Variants in ZNF550 observed in about 807,000 individuals in gnomAD.
ZNF550 encodes zinc finger protein 550.
ZNF550 carries 42 observed loss-of-function variants against 40.2 expected under a neutral mutation model. That is an observed-to-expected ratio of 1.05 (90% confidence interval 0.82 to 1.35). ZNF550 has a LOEUF of 1.35. ZNF550 is among the 40% of genes most tolerant of loss of function. The probability of loss-of-function intolerance (pLI) is 0.00; values close to 1 mark genes in which losing one functional copy is unlikely to be tolerated. For synonymous variants in ZNF550, 223 were observed against 198.6 expected (o/e 1.12, Z -1.03); for missense variants, 549 against 525.2 (o/e 1.05, Z -0.44).
At chr19:57,543,694 G>A (rs957941111) in intron 4 of ZNF550, 11 of 907,360 alleles carry the variant, frequency 1.2e-5, no homozygotes, top group Non-Finnish European at 1.4e-5. Flanking sequence ...GCAGCACTTT[G>A]GGAGGCAGAG....
At chr19:57,549,122 T>C (rs1005438084) in intron 3 of ZNF550, among the ~76,000 whole-genome samples, 3 of 152,180 alleles carry the variant, frequency 2.0e-5, no homozygotes, top group Non-Finnish European at 4.4e-5. Flanking sequence ...CGGGTGGCTA[T>C]AGTCAAAAAT....
chr19:57,548,562 A>G (rs2090045319), intron 3 of ZNF550, among the ~76,000 whole-genome samples: 3 of 152,328 alleles, frequency 2.0e-5, no homozygotes, highest in Non-Finnish European at 4.4e-5. Flanking sequence ...CTTTTGTCCA[A>G]AAGACAGGCA....
intron 2 of ZNF550, 166 bp downstream of exon 2, chr19:57,556,065 A>C: frequency 1.2e-6 from 1 of 841,444 alleles, no homozygotes; most frequent in South Asian, 1.6e-5. Flanking sequence ...TGTTAAAAGG[A>C]CATTTTCTAC....
At chr19:57,544,487 A>G in intron 4 of ZNF550, 1 of 985,448 alleles carries the variant, frequency 1.0e-6, no homozygotes, top group Non-Finnish European at 1.2e-6. Context: ...AGCCACAGCT[A>G]CAATACATGC....
At chr19:57,544,139 C>T (rs1450764622) in intron 4 of ZNF550, 2 of 985,262 alleles carry the variant, frequency 2.0e-6, no homozygotes, top group Non-Finnish European at 2.4e-6. Flanking sequence ...AGGGCAGGAC[C>T]CATAGCCCAG....
chr19:57,547,742 G>A (rs762611085), exon 4 of ZNF550: 4 of 1,614,134 alleles, frequency 2.5e-6, no homozygotes, highest in Non-Finnish European at 3.4e-6. Flanking sequence ...CTGGAGTGCA[G>A]ACCATCATCT....
At chr19:57,546,031 A>G (rs1243660351) in intron 4 of ZNF550, among the ~76,000 whole-genome samples, 1 of 151,536 alleles carries the variant, frequency 6.6e-6, no homozygotes, top group African/African-American at 2.4e-5. Context: ...TAATGAGTTT[A>G]TTAATAAAAA....
At position 57,559,022 on chromosome 19, in the gene ZNF550, G is replaced by A. The variant is rs540920694; in HGVS notation, c.27+634C>T. The stretch of plus-strand genomic sequence containing the variant: ...CTGCCCTACCACCTTTTCTGCCCTG[G>A]CATAGCAGCAACCGCAGAAACGCTC... On this transcript the variant is annotated intron_variant, in intron 1 of 4. Coordinates refer to ENST00000457177, the Ensembl canonical transcript of ZNF550. 1.1e-4 allele frequency among the ~76,000 whole-genome samples: 17 copies of A among 152,226 alleles called. No individual in the cohort carries two copies. The South Asian group carries it at 3.5e-3, about 32-fold the overall frequency.
At chr19:57,557,962 C>T (rs1299956222) in intron 1 of ZNF550, among the ~76,000 whole-genome samples, 1 of 152,214 alleles carries the variant, frequency 6.6e-6, no homozygotes, top group East Asian at 1.9e-4. Context: ...ATGTAAGTGC[C>T]TGATGTGTTT....
exon 4 of ZNF550, chr19:57,546,668 T>C (rs1187430251): frequency 2.7e-6 from 3 of 1,122,636 alleles, no homozygotes; most frequent in Non-Finnish European, 3.3e-6. Context: ...TTGGAATGTC[T>C]TTCTCCAGCA....
intron 1 of ZNF550, chr19:57,556,908 G>GTAACTCCATTACCTTGGTAAAC (rs1460292283): frequency 6.5e-6 from 1 of 153,724 alleles, no homozygotes; most frequent in Non-Finnish European, 1.4e-5. Context: ...GGCTGTGCAG[G>GTAACTCCATTACCTTGGTAAAC]ATGTGCCTTG....
At chr19:57,547,290 T>G (rs1456236244) in exon 4 of ZNF550, 2 of 1,613,936 alleles carry the variant, frequency 1.2e-6, no homozygotes, top group African/African-American at 2.7e-5. Context: ...TCTCACATTC[T>G]TTGCACTCAA....
At chr19:57,544,223 C>G in intron 4 of ZNF550, 2 of 985,452 alleles carry the variant, frequency 2.0e-6, no homozygotes, top group Non-Finnish European at 2.4e-6. Flanking sequence ...ACAGGTGTCT[C>G]ATGAGATTCT....
exon 1 of ZNF550, chr19:57,559,841 A>G (rs1014478421): frequency 1.4e-5 from 8 of 582,816 alleles, no homozygotes; most frequent in Middle Eastern, 1.0e-3. Flanking sequence ...ACAAACGTCC[A>G]CGCCAGCGAG....
At chr19:57,555,833 A>T (rs372639210) in intron 2 of ZNF550, 4 of 234,032 alleles carry the variant, frequency 1.7e-5, no homozygotes, top group African/African-American at 9.3e-5. Context: ...CTTTTTACAG[A>T]GATTGTATTG....
rs568622130 is a variant in ZNF550 at position 57,552,359 on chromosome 19, CCTT to C, written c.250+265_250+267del. 1.8e-3 allele frequency: 871 copies of C among 475,794 alleles called. 5 individuals are homozygous for C. Among genetic ancestry groups the C allele is most frequent in the Non-Finnish European group, 1.6e-3 (430 of 268,884 alleles). 29.5% of individuals were successfully genotyped at this position (475,794 alleles called of 1,614,324 possible). Reference sequence around the variant, plus strand: ...GTGTACAACTGGGTATGACTTCTCCCCTTCTTCTTGTTCCCCTTCTACCAGCTG... The same window carrying C: ...GTGTACAACTGGGTATGACTTCTCCCCTTCTTGTTCCCCTTCTACCAGCTG... On this transcript the variant is annotated intron_variant, in intron 3 of 4. Coordinates refer to ENST00000457177, the Ensembl canonical transcript of ZNF550.
At chr19:57,556,710 T>A (rs763249986) in intron 1 of ZNF550, 4 of 215,892 alleles carry the variant, frequency 1.9e-5, no homozygotes, top group Non-Finnish European at 3.7e-5. Context: ...CAGCTAAGTG[T>A]GGGGGAAAGA....
intron 1 of ZNF550, among the ~76,000 whole-genome samples, chr19:57,558,258 C>A (rs950900132): frequency 1.3e-5 from 2 of 152,146 alleles, no homozygotes. Flanking sequence ...AGTGCAAGGG[C>A]AAAGGCTGAA....
intron 1 of ZNF550, chr19:57,556,649 A>C (rs2090124264): frequency 3.5e-6 from 1 of 288,678 alleles, no homozygotes; most frequent in Non-Finnish European, 6.6e-6. Context: ...ATATTAAAAG[A>C]ATGGAGGAAA....
Sources: gnomAD v4.1 joint callset for allele counts (sites outside exome capture counted in the v4.1 genomes callset) on GRCh38, gnomAD v4.1.1 for gene constraint, MANE v1.5 for transcripts, NCBI Gene and HGNC (gene_info 2026-07-23, HGNC 2026-07-21) for gene names.